CLASP1: variants seen among roughly 807,000 people sequenced by gnomAD.
CLASP1 encodes CLIP-associating protein 1.
In CLASP1, 38 loss-of-function variants were observed where a neutral mutation model predicts 192.3. The ratio of observed to expected loss-of-function variants is 0.20; its 90% CI spans 0.15 to 0.26. The LOEUF (loss-of-function observed/expected upper bound fraction) is 0.26. Among genes scored for constraint, CLASP1 ranks in the 10% least tolerant of loss-of-function variants. CLASP1 has a pLI of 1.00. For synonymous variants in CLASP1, 691 were observed against 712.8 expected (o/e 0.97, Z 0.49); for missense variants, 1,433 against 1,932.5 (o/e 0.74, Z 4.85).
At chr2:121,640,179 T>G (rs936901044) in intron 1 of CLASP1, among the ~76,000 whole-genome samples, 2 of 150,742 alleles carry the variant, frequency 1.3e-5, no homozygotes, top group Non-Finnish European at 2.9e-5. Context: ...ATGAGAACAC[T>G]TGGACACAGG....
At chr2:121,395,909 C>T (rs1343396779) in intron 30 of CLASP1, among the ~76,000 whole-genome samples, 2 of 152,154 alleles carry the variant, frequency 1.3e-5, no homozygotes, top group African/African-American at 4.8e-5. Flanking sequence ...AGAGAATTTG[C>T]AAGAACCAGA....
chr2:121,623,012 T>G (rs1390818547), intron 1 of CLASP1, among the ~76,000 whole-genome samples: 2 of 152,038 alleles, frequency 1.3e-5, no homozygotes, highest in Non-Finnish European at 2.9e-5. Context: ...TCACGTAAGC[T>G]CAGGAGTTCG....
At chr2:121,355,994 A>G (rs2065308354) in intron 37 of CLASP1, among the ~76,000 whole-genome samples, 1 of 152,268 alleles carries the variant, frequency 6.6e-6, no homozygotes, top group South Asian at 2.1e-4. Context: ...CTAGCTTTTT[A>G]AAATTGGATC....
intron 2 of CLASP1, among the ~76,000 whole-genome samples, chr2:121,581,260 CTTTTTTT>C (rs60345742): frequency 4.2e-4 from 24 of 57,668 alleles, no homozygotes; most frequent in African/African-American, 1.4e-3. Flanking sequence ...GCCTTTTGTT[CTTTTTTT>C]TTTTTTTTTT....
At chr2:121,521,381 G>C (rs957190849) in intron 6 of CLASP1, among the ~76,000 whole-genome samples, 3 of 152,132 alleles carry the variant, frequency 2.0e-5, no homozygotes, top group Non-Finnish European at 4.4e-5. Flanking sequence ...CAAAGCAGCA[G>C]CCTCCTCTCT....
At chr2:121,508,339 A>G (rs751953457) in intron 7 of CLASP1, among the ~76,000 whole-genome samples, 56 of 152,330 alleles carry the variant, frequency 3.7e-4, no homozygotes, top group Non-Finnish European at 7.2e-4. Flanking sequence ...CAAGCCCCAG[A>G]GCAACTGCGA....
chr2:121,533,513 CTT>C (rs200137611), intron 2 of CLASP1, among the ~76,000 whole-genome samples: 2 of 151,568 alleles, frequency 1.3e-5, no homozygotes, highest in East Asian at 3.9e-4. Flanking sequence ...GGTAAGGGTA[CTT>C]TTTTTTTCCC....
chr2:121,526,990 T>C (rs547831863), intron 5 of CLASP1, among the ~76,000 whole-genome samples: 3 of 152,264 alleles, frequency 2.0e-5, no homozygotes, highest in Non-Finnish European at 4.4e-5. Context: ...CAACATCCAA[T>C]GGCTAGCAAG....
At chr2:121,384,758 G>A (rs2072803713) in intron 32 of CLASP1, among the ~76,000 whole-genome samples, 1 of 152,106 alleles carries the variant, frequency 6.6e-6, no homozygotes. Flanking sequence ...GTGTACACCT[G>A]TAGTCCCAGC....
chr2:121,397,077 TA>T (rs1191259142), intron 30 of CLASP1, 62 bp downstream of exon 31: 28 of 1,560,756 alleles, frequency 1.8e-5, no homozygotes, highest in Non-Finnish European at 2.4e-5. Context: ...AGTTTCTAAA[TA>T]CATTTCTCTA....
chr2:121,372,149 T>C (rs534012425), intron 34 of CLASP1, among the ~76,000 whole-genome samples: 3 of 152,352 alleles, frequency 2.0e-5, no homozygotes, highest in African/African-American at 4.8e-5. Context: ...TAGGTTAAAA[T>C]AGAACATTTA....
intron 8 of CLASP1, among the ~76,000 whole-genome samples, chr2:121,495,459 G>A (rs1007330624): frequency 6.6e-6 from 1 of 151,388 alleles, no homozygotes; most frequent in Non-Finnish European, 1.5e-5. Flanking sequence ...TCAAGATTTC[G>A]AGACCAGCCT....
chr2:121,484,872 T>G (rs932123930), intron 8 of CLASP1, among the ~76,000 whole-genome samples: 2 of 152,258 alleles, frequency 1.3e-5, no homozygotes, highest in African/African-American at 4.8e-5. Context: ...TCATTGAGGA[T>G]GAGGATCTAC....
intron 1 of CLASP1, among the ~76,000 whole-genome samples, chr2:121,637,104 A>C (rs1434806630): frequency 6.6e-6 from 1 of 152,206 alleles, no homozygotes; most frequent in African/African-American, 2.4e-5. Flanking sequence ...GGTCCTTACA[A>C]TCTGTTTTTG....
chr2:121,407,844 T>C (rs747165431), intron 24 of CLASP1, 129 bp from the exon 26 acceptor site: 3 of 1,074,904 alleles, frequency 2.8e-6, no homozygotes, highest in African/African-American at 3.1e-5. Flanking sequence ...CACACACTTT[T>C]CCTGTGCTTA....
chr2:121,419,180 C>G (rs762024356), intron 22 of CLASP1, among the ~76,000 whole-genome samples: 7 of 152,060 alleles, frequency 4.6e-5, no homozygotes, highest in Non-Finnish European at 1.0e-4. Flanking sequence ...ACAGAATAAC[C>G]ACACTGGTCA....
In CLASP1 at chr2:121,631,404, C is replaced by G. The variant is rs963557942; in HGVS notation, c.-286+17968G>C. 2.0e-5 allele frequency among the ~76,000 whole-genome samples: 3 copies of G among 149,830 alleles called. No homozygotes were observed. In the East Asian group the frequency reaches 6.2e-4, roughly 31 times the overall value. On this transcript the variant is annotated intron_variant, in intron 1 of 39. Transcript: ENST00000263710. ...CTAGATTCAAGCAATTCTCCTGCCT[C>G]AGCCTCCCGAATAGCTGGGACTACA...
intron 19 of CLASP1, among the ~76,000 whole-genome samples, chr2:121,436,712 T>C (rs1007943346): frequency 3.3e-5 from 5 of 152,118 alleles, no homozygotes; most frequent in Admixed American, 6.5e-5. Context: ...TGCCCGGCTT[T>C]AGTGTCTTTC....
chr2:121,635,619 C>T (rs1435422797), intron 1 of CLASP1, among the ~76,000 whole-genome samples: 1 of 152,182 alleles, frequency 6.6e-6, no homozygotes, highest in African/African-American at 2.4e-5. Context: ...CACTACCAAA[C>T]ACTAAAGAGT....
Sources: allele counts gnomAD v4.1 joint callset (sites outside exome capture counted in the v4.1 genomes callset), GRCh38; gene constraint gnomAD v4.1.1; transcripts MANE v1.5; gene names NCBI Gene and HGNC (gene_info 2026-07-23, HGNC 2026-07-21).